The following MEI1 variants were observed in gnomAD, a reference collection of about 807,000 sequenced individuals.
The protein encoded by MEI1 is meiotic double-stranded break formation protein 1, also known as meiosis inhibitor protein 1.
Under a neutral mutation model 146.2 loss-of-function variants are expected in MEI1, and 103 were observed. The observed-to-expected ratio is 0.70, with a 90% CI of 0.60 to 0.83. MEI1 has a LOEUF of 0.83. MEI1 is among the 40% of genes least tolerant of loss of function. The pLI, the probability that MEI1 is intolerant of heterozygous loss-of-function variation, is 0.00. For synonymous variants in MEI1, 652 were observed against 628.2 expected (o/e 1.04, Z -0.57); for missense variants, 1,529 against 1,533.0 (o/e 1.00, Z 0.04).
At chr22:41,706,242 C>T (rs1279079609) in intron 3 of MEI1, among the ~76,000 whole-genome samples, 4 of 151,952 alleles carry the variant, frequency 2.6e-5, no homozygotes, top group Admixed American at 1.3e-4. Context: ...TGGTCTCAAA[C>T]GGCTATTCTC....
At chr22:41,732,651 G>C in intron 11 of MEI1, 48 bp downstream of exon 11, 2 of 1,582,056 alleles carry the variant, frequency 1.3e-6, no homozygotes, top group Non-Finnish European at 1.7e-6. Flanking sequence ...ATATACCTAA[G>C]GGCCTGTTGA....
At chr22:41,790,120 T>G (rs973614846) in intron 26 of MEI1, among the ~76,000 whole-genome samples, 5 of 152,232 alleles carry the variant, frequency 3.3e-5, no homozygotes, top group African/African-American at 4.8e-5. Flanking sequence ...TCTCATTCTG[T>G]TGTCCAGGCT....
At chr22:41,760,340 T>A (rs979138847) in intron 18 of MEI1, among the ~76,000 whole-genome samples, 45 of 146,896 alleles carry the variant, frequency 3.1e-4, no homozygotes, top group Non-Finnish European at 5.1e-4. Context: ...ATAAAAAAAA[T>A]AAAAATGAAA....
At chr22:41,732,139 C>A (rs1374704397) in intron 9 of MEI1, 106 bp from the exon 10 acceptor site, 5 of 833,850 alleles carry the variant, frequency 6.0e-6, no homozygotes, top group Non-Finnish European at 9.5e-6. Context: ...CCACGAGTGG[C>A]CTCCAACTCA....
chr22:41,745,190 TTGGCTGGGGTAGGGGTTGGGGGTGTG>T, intron 13 of MEI1, 126 bp downstream of exon 13: 1 of 658,794 alleles, frequency 1.5e-6, no homozygotes, highest in Non-Finnish European at 2.4e-6. Flanking sequence ...AAAGAGGACT[TTGGCTGGGGTAGGGGTTGGGGGTGTG>T]TGGAGGAGGC....
chr22:41,743,369 A>G lies in MEI1; in HGVS notation c.1446+175A>G, dbSNP rs188437705. Among the ~76,000 whole-genome samples the G allele has an allele frequency of 1.7e-3, 257 of 152,296 alleles. 1 individual carries two copies. The highest frequency in any genetic ancestry group is 0.014 in the Middle Eastern group (4 of 294). On this transcript the variant is annotated intron_variant, in intron 12 of 30. Transcript: ENST00000401548. ...AGAACTATGAAGCTTAAGGATTACT[A>G]TTGTCATTTTTACAGATGGGGAAAC...
At chr22:41,776,987 T>A (rs1200282739) in intron 21 of MEI1, among the ~76,000 whole-genome samples, 1 of 151,170 alleles carries the variant, frequency 6.6e-6, no homozygotes, top group Non-Finnish European at 1.5e-5. Context: ...GCTAATTTTT[T>A]TGTATTTTCA....
At chr22:41,734,177 T>C (rs568186269) in intron 11 of MEI1, among the ~76,000 whole-genome samples, 61 of 149,798 alleles carry the variant, frequency 4.1e-4, no homozygotes, top group African/African-American at 1.5e-3. Context: ...CTGGAGGATG[T>C]GCATAGGTTA....
chr22:41,763,123 C>A, intron 18 of MEI1, 51 bp from the exon 19 acceptor site: 2 of 1,598,614 alleles, frequency 1.3e-6, no homozygotes, highest in Non-Finnish European at 8.5e-7. Flanking sequence ...TAGAAGAGCC[C>A]AGTGGCCTGC....
rs1370242504 is a variant in MEI1, at chr22:41,727,330, TG to T, written c.865-2333del. 1.7e-4 allele frequency among the ~76,000 whole-genome samples: 26 copies of T among 152,338 alleles called. 1 individual carries two copies. Among genetic ancestry groups the T allele is most frequent in the Admixed American group, 1.2e-3 (19 of 15,292 alleles). On this transcript the variant is annotated intron_variant, in intron 7 of 30. Transcript: ENST00000401548. ...CAGCTTCTATGATACTTAAAATCTG[TG>T]GTTGCAGTTAACGCTTTTCTTGATT...
intron 24 of MEI1, 103 bp from the exon 25 acceptor site, chr22:41,784,236 G>C: frequency 1.0e-6 from 1 of 990,496 alleles, no homozygotes; most frequent in Non-Finnish European, 1.5e-6. Flanking sequence ...TTTTGATGCA[G>C]TGGATATGTG....
At chr22:41,713,781 C>G (rs1241971700) in intron 3 of MEI1, among the ~76,000 whole-genome samples, 1 of 152,210 alleles carries the variant, frequency 6.6e-6, no homozygotes, top group East Asian at 1.9e-4. Context: ...TTCCTCACCT[C>G]AGGTGATCCG....
rs2068524676 is a variant in MEI1 at position 41,699,520 on chromosome 22, G to C, written c.-19G>C. On this transcript the variant is annotated 5_prime_UTR_variant, in exon 1 of 31. Transcript: ENST00000401548. Reference sequence around the variant, plus strand: ...CTGCGCGGGAAAGAGTGCCGCCTCAGCTGAGGGCAAGCGAGGAGATGGCTG... The same window carrying C: ...CTGCGCGGGAAAGAGTGCCGCCTCACCTGAGGGCAAGCGAGGAGATGGCTG... 6.2e-7 allele frequency: 1 copy of C among 1,601,768 alleles called. No individual in the cohort carries two copies. Among genetic ancestry groups the C allele is most frequent in the Admixed American group, 1.7e-5 (1 of 59,326 alleles).
At chr22:41,709,894 C>A (rs567318015) in intron 3 of MEI1, among the ~76,000 whole-genome samples, 3 of 152,088 alleles carry the variant, frequency 2.0e-5, no homozygotes, top group African/African-American at 7.2e-5. Flanking sequence ...TGGAAGCATT[C>A]TTTCCTTAGG....
intron 11 of MEI1, among the ~76,000 whole-genome samples, chr22:41,732,948 T>G (rs1171736620): frequency 6.6e-6 from 1 of 151,788 alleles, no homozygotes; most frequent in Non-Finnish European, 1.5e-5. Flanking sequence ...GCCCAGCTAA[T>G]TTTTGTATTA....
At chr22:41,733,954 C>G (rs949830471) in intron 11 of MEI1, among the ~76,000 whole-genome samples, 1 of 151,442 alleles carries the variant, frequency 6.6e-6, no homozygotes, top group Non-Finnish European at 1.5e-5. Context: ...TGTAGAAACC[C>G]TGTCTTTACT....
chr22:41,777,433 G>A (rs1194100590), intron 21 of MEI1, among the ~76,000 whole-genome samples: 2 of 152,154 alleles, frequency 1.3e-5, no homozygotes, highest in Non-Finnish European at 2.9e-5. Flanking sequence ...TTGGATTACA[G>A]GTGTGAGCTA....
chr22:41,739,287 T>A lies in MEI1; in HGVS notation c.1332-3793T>A, dbSNP rs12157419. Among the ~76,000 whole-genome samples, 181 of 152,352 alleles carry A rather than the reference T, an allele frequency of 1.2e-3. 2 individuals carry two copies. The highest frequency in any genetic ancestry group is 4.3e-3 in the African/African-American group (177 of 41,572). ...GTCTTCTCTACATGTCCTTGGCATT[T>A]TTGCTATTTAATATTTTGTTTTTAA... On this transcript the variant is annotated intron_variant, in intron 11 of 30. Transcript: ENST00000401548.
chr22:41,789,934 T>G (rs1018044208), intron 26 of MEI1, among the ~76,000 whole-genome samples: 8 of 152,208 alleles, frequency 5.3e-5, no homozygotes, highest in Non-Finnish European at 1.0e-4. Flanking sequence ...CTTTTCCTCT[T>G]TTCTCTCACT....
Sources: gnomAD v4.1 joint callset for allele counts (sites outside exome capture counted in the v4.1 genomes callset) on GRCh38, gnomAD v4.1.1 for gene constraint, MANE v1.5 for transcripts, NCBI Gene and HGNC (gene_info 2026-07-23, HGNC 2026-07-21) for gene names.